The following SCAPER variants were observed in gnomAD, a reference collection of about 807,000 sequenced individuals.
SCAPER encodes the protein S-phase cyclin A associated protein in the ER.
In SCAPER, 98 loss-of-function variants were observed where a neutral mutation model predicts 182.2. That is an observed-to-expected ratio of 0.54 (90% CI 0.46 to 0.64). SCAPER has a LOEUF of 0.64. Among genes scored for constraint, SCAPER ranks in the 30% least tolerant of loss-of-function variants. The pLI, the probability that SCAPER is intolerant of heterozygous loss-of-function variation, is 0.00. For missense variants in SCAPER, 1,432 were observed against 1,690.0 expected, an observed-to-expected ratio of 0.85 and a Z score of 2.68; for synonymous variants, 605 against 564.6, an observed-to-expected ratio of 1.07 and a Z score of -1.01.
intron 23 of SCAPER, among the ~76,000 whole-genome samples, chr15:76,567,765 T>C (rs1433755422): frequency 6.6e-6 from 1 of 152,178 alleles, no homozygotes; most frequent in Non-Finnish European, 1.5e-5. Flanking sequence ...ATACTCTGGA[T>C]GCCACTCTTT....
At chr15:76,412,213 TG>T (rs2045338538) in intron 26 of SCAPER, among the ~76,000 whole-genome samples, 1 of 152,078 alleles carries the variant, frequency 6.6e-6, no homozygotes, top group African/African-American at 2.4e-5. Flanking sequence ...CTAGAGGTTG[TG>T]GGGGAAGGAG....
At chr15:76,882,989 AG>A (rs2073655411) in intron 2 of SCAPER, among the ~76,000 whole-genome samples, 1 of 152,210 alleles carries the variant, frequency 6.6e-6, no homozygotes, top group South Asian at 2.1e-4. Flanking sequence ...AACCAGAAGA[AG>A]GGGCTCTGCC....
In SCAPER at chr15:76,773,333, A is replaced by G. The variant is rs542932438; in HGVS notation, c.1036-1379T>C. Among the ~76,000 whole-genome samples, 21 of 152,030 alleles carry G rather than the reference A, an allele frequency of 1.4e-4. No individual in the cohort carries two copies. In the South Asian group the frequency reaches 4.1e-3, roughly 30 times the overall value. ...AATTTTAGCAATAGTTTACTTGTCA[A>G]AAAGTTCTATGTACAGATTATTCCT... is the stretch of plus-strand genomic sequence containing the variant. On this transcript the variant is annotated intron_variant, in intron 9 of 31. Transcript: ENST00000563290.
chr15:76,747,671 CA>C (rs1441009862), intron 15 of SCAPER, among the ~76,000 whole-genome samples: 3 of 152,084 alleles, frequency 2.0e-5, no homozygotes, highest in Non-Finnish European at 4.4e-5. Context: ...AAAGTTCCCT[CA>C]AGAGCTGGTT....
At chr15:76,782,883 T>G (rs2064262956) in intron 8 of SCAPER, among the ~76,000 whole-genome samples, 1 of 152,008 alleles carries the variant, frequency 6.6e-6, no homozygotes, top group East Asian at 1.9e-4. Flanking sequence ...TTTAAAGCAG[T>G]GTGTAAAGGG....
At chr15:76,681,446 T>C (rs1443081709) in intron 20 of SCAPER, among the ~76,000 whole-genome samples, 2 of 152,098 alleles carry the variant, frequency 1.3e-5, no homozygotes, top group Non-Finnish European at 2.9e-5. Flanking sequence ...TACAAAACAG[T>C]GTAGTGGCCA....
intron 15 of SCAPER, among the ~76,000 whole-genome samples, chr15:76,749,192 C>T (rs558870791): frequency 5.9e-5 from 9 of 151,308 alleles, no homozygotes; most frequent in African/African-American, 1.5e-4. Flanking sequence ...CAGAAATGCA[C>T]GGTTGGTTTA....
chr15:76,727,978 T>G (rs943518952), intron 17 of SCAPER, among the ~76,000 whole-genome samples: 1 of 152,042 alleles, frequency 6.6e-6, no homozygotes, highest in African/African-American at 2.4e-5. Flanking sequence ...CAGGGACAAG[T>G]AGAAAAGCAA....
At chr15:76,675,151 T>A (rs2057291430) in intron 20 of SCAPER, among the ~76,000 whole-genome samples, 1 of 152,248 alleles carries the variant, frequency 6.6e-6, no homozygotes, top group Non-Finnish European at 1.5e-5. Context: ...CTATTATGTA[T>A]GTTTTAAATT....
chr15:76,809,887 C>T (rs1598853582), intron 5 of SCAPER, among the ~76,000 whole-genome samples: 2 of 152,110 alleles, frequency 1.3e-5, no homozygotes, highest in South Asian at 4.1e-4. Flanking sequence ...ACACAGGGGC[C>T]CCCATAACAC....
intron 6 of SCAPER, among the ~76,000 whole-genome samples, chr15:76,801,080 T>C (rs2065754658): frequency 6.6e-6 from 1 of 152,228 alleles, no homozygotes; most frequent in South Asian, 2.1e-4. Context: ...TAGTATTTCA[T>C]TGTCTTTGTT....
intron 25 of SCAPER, among the ~76,000 whole-genome samples, chr15:76,440,906 G>GTTTTTTT (rs1567143984): frequency 1.8e-5 from 2 of 112,122 alleles, no homozygotes; most frequent in Non-Finnish European, 3.5e-5. Flanking sequence ...TTCCCCTTCT[G>GTTTTTTT]GTTTTTTTTT....
intron 24 of SCAPER, among the ~76,000 whole-genome samples, chr15:76,496,674 G>A (rs1046103497): frequency 3.9e-5 from 6 of 152,254 alleles, no homozygotes; most frequent in Admixed American, 2.0e-4. Context: ...CCAGCTTGTA[G>A]TAATGGCATT....
At chr15:76,646,025 G>A (rs1374770623) in intron 21 of SCAPER, among the ~76,000 whole-genome samples, 1 of 152,008 alleles carries the variant, frequency 6.6e-6, no homozygotes, top group Non-Finnish European at 1.5e-5. Context: ...AAAAATTGAC[G>A]CTATGTCAAT....
chr15:76,770,677 G>A (rs568431547), intron 10 of SCAPER, among the ~76,000 whole-genome samples: 1 of 152,160 alleles, frequency 6.6e-6, no homozygotes, highest in South Asian at 2.1e-4. Flanking sequence ...AAGGATGAGA[G>A]TTTTCCTCTT....
Position 76,716,368 on chromosome 15 carries a change from T to C in SCAPER, c.2166-10384A>G, listed in dbSNP as rs143140772. ...AAAGATATGACTGCACTATCAGATG[T>C]ACAAACATCATGGCAGGGTCACAAG... On this transcript the variant is annotated intron_variant, in intron 17 of 31. Coordinates refer to ENST00000563290, the MANE Select transcript of SCAPER (RefSeq NM_020843.4). Among the ~76,000 whole-genome samples the C allele has an allele frequency of 2.9e-3, 438 of 152,036 alleles. 3 individuals carry two copies. Among genetic ancestry groups the C allele is most frequent in the Non-Finnish European group, 2.5e-3 (169 of 68,002 alleles).
Position 76,599,542 on chromosome 15 carries a change from A to G in SCAPER, c.2711+22222T>C, listed in dbSNP as rs2049762864. Among the ~76,000 whole-genome samples, 2 of 122,500 alleles carry G rather than the reference A, an allele frequency of 1.6e-5. 1 individual carries two copies. Among genetic ancestry groups the G allele is most frequent in the Admixed American group, 1.9e-4 (2 of 10,784 alleles). 80.4% of individuals were successfully genotyped at this position (122,500 alleles called of 152,430 possible). ...ACATTTACTCATAGGAGTACTGTCC[A>G]GCAATAAAAAGGAATGAATTGATAA... On this transcript the variant is annotated intron_variant, in intron 22 of 31. Transcript: ENST00000563290.
At chr15:76,444,739 T>C (rs1465523885) in intron 25 of SCAPER, among the ~76,000 whole-genome samples, 4 of 152,224 alleles carry the variant, frequency 2.6e-5, no homozygotes, top group African/African-American at 9.6e-5. Context: ...ATGAGTCTGG[T>C]GACATGAATG....
chr15:76,760,237 T>A (rs1417182158), intron 14 of SCAPER, among the ~76,000 whole-genome samples: 1 of 152,216 alleles, frequency 6.6e-6, no homozygotes, highest in Non-Finnish European at 1.5e-5. Flanking sequence ...TGACCCATAC[T>A]TCTGACAAAC....
Sources: allele counts gnomAD v4.1 joint callset (sites outside exome capture counted in the v4.1 genomes callset), GRCh38; gene constraint gnomAD v4.1.1; transcripts MANE v1.5; gene names NCBI Gene and HGNC (gene_info 2026-07-23, HGNC 2026-07-21).